Variants in RABL2B observed in about 807,000 individuals in gnomAD.
The protein encoded by RABL2B is rab-like protein 2B.
Under a neutral mutation model 26.7 loss-of-function variants are expected in RABL2B, and 17 were observed. The observed-to-expected ratio is 0.64, with a 90% CI of 0.44 to 0.95. The LOEUF (loss-of-function observed/expected upper bound fraction) is 0.95, where lower values mean the gene tolerates loss of function less well. RABL2B is among the 40% of genes least tolerant of loss of function. The probability of loss-of-function intolerance (pLI) is 0.00; values close to 1 mark genes in which losing one functional copy is unlikely to be tolerated. For synonymous variants in RABL2B, 70 were observed against 103.9 expected (o/e 0.67, Z 1.99); for missense variants, 170 against 277.2 (o/e 0.61, Z 2.75).
At position 50,776,685 on chromosome 22, in the gene RABL2B, T is replaced by G. The variant is rs1351118083; in HGVS notation, c.202A>C (p.Arg68=). ...LYKHTATVDG[R]TILVDFWDTA... is the part of the protein sequence containing the mutation. ...TGCCACTTACCCACAAGGATGGTCC[T>G]TCCATCTACCGTGGCTGTGTGCTTG... Residue 68 remains arginine, a synonymous_variant, in exon 4 of 9, where the codon AGG becomes CGG. Transcript: ENST00000691320. 1 of 1,611,428 alleles carries G rather than the reference T, an allele frequency of 6.2e-7. No individual in the cohort carries two copies. The highest frequency in any genetic ancestry group is 8.5e-7 in the Non-Finnish European group (1 of 1,178,742).
In RABL2B at chr22:50,769,508, A is replaced by C; in HGVS notation, c.454T>G (p.Phe152Val). The change falls in exon 7 of 9, where the codon TTC becomes GTC. Residue 152 changes from phenylalanine to valine, a missense_variant. Around this residue, in one of 2 missense-constraint regions of RABL2B, gnomAD observed 165 missense variants for 232.0 expected, o/e 0.71. Coordinates refer to ENST00000691320, the MANE Select transcript of RABL2B (RefSeq NM_001130919.3). ...GAGACGAAATACAGGGGCAGGGAGAACTTCTTGGCAAAATTGAAGCTTTTT... is the reference window on the plus strand; with the variant it reads ...GAGACGAAATACAGGGGCAGGGAGACCTTCTTGGCAAAATTGAAGCTTTTT... ...TQKSFNFAKK[F>V]SLPLYFVSAA... The C allele has an allele frequency of 6.2e-6, 10 of 1,612,374 alleles. No homozygotes were observed. The highest frequency in any genetic ancestry group is 8.5e-6 in the Non-Finnish European group (10 of 1,179,302).
intron 4 of RABL2B, among the ~76,000 whole-genome samples, chr22:50,776,346 T>C (rs557513507): frequency 6.6e-6 from 1 of 152,304 alleles, no homozygotes; most frequent in African/African-American, 2.4e-5. Context: ...CCCCTGAAGC[T>C]AGGAAAACTA....
intron 5 of RABL2B, among the ~76,000 whole-genome samples, chr22:50,774,126 A>G (rs1467150163): frequency 2.0e-5 from 3 of 152,004 alleles, no homozygotes; most frequent in African/African-American, 7.2e-5. Context: ...CGATCTCCTA[A>G]CCTCGTGATC....
rs530624363 is a variant in RABL2B at position 50,776,523 on chromosome 22, T to C, written c.217+147A>G. 444 of 1,252,998 alleles carry C rather than the reference T, an allele frequency of 3.5e-4. 2 individuals carry two copies. The South Asian group carries it at 5.3e-3, about 15-fold the overall frequency. The allele number at this position is 1,252,998 out of a possible 1,614,324, so 77.6% of individuals were successfully genotyped here. On this transcript the variant is annotated intron_variant, in intron 4 of 8. Transcript: ENST00000691320. ...CTTCCACCCTCCTGGCTCCTGGCTC[T>C]CTGGGTTCTCTCTAGCACCCCTTGT...
intron 2 of RABL2B, among the ~76,000 whole-genome samples, chr22:50,778,609 C>T (rs1208015280): frequency 6.6e-6 from 1 of 151,952 alleles, no homozygotes; most frequent in East Asian, 1.9e-4. Flanking sequence ...TCCAGTGGTT[C>T]CCCATTTCTT....
chr22:50,780,134 C>G (rs1555927439), intron 2 of RABL2B, among the ~76,000 whole-genome samples: 2 of 151,912 alleles, frequency 1.3e-5, no homozygotes, highest in African/African-American at 4.8e-5. Context: ...GAGGCAGTGC[C>G]CAGGTCTGAG....
chr22:50,770,909 ATTTTTTT>A (rs781799008), intron 5 of RABL2B, among the ~76,000 whole-genome samples: 7 of 124,238 alleles, frequency 5.6e-5, no homozygotes, highest in African/African-American at 1.8e-4. Flanking sequence ...TTATTTTTTT[ATTTTTTT>A]TTTTTTGTAG....
At chr22:50,775,030 T>C (rs2147150972) in intron 5 of RABL2B, among the ~76,000 whole-genome samples, 1 of 152,282 alleles carries the variant, frequency 6.6e-6, no homozygotes, top group African/African-American at 2.4e-5. Flanking sequence ...CCACCCATCT[T>C]GGCCTCCCAA....
At position 50,775,791 on chromosome 22, in the gene RABL2B, T is replaced by C; in HGVS notation, c.278A>G (p.Lys93Arg). The change falls in exon 5 of 9, where the codon AAG (lysine) becomes AGG (arginine). Residue 93 changes from lysine to arginine, a missense_variant. This residue lies in a region of RABL2B where 165 missense variants were observed against 232.0 expected (regional missense o/e 0.71). Coordinates refer to ENST00000691320, the MANE Select transcript of RABL2B (RefSeq NM_001130919.3). ...FQSMHASYYH[K>R]AHACIMVFDV... ...TCGTACCATGATGCAGGCGTGGGCC[T>C]TGTGGTAGTAGGAGGCATGCATGCT... 6.2e-7 allele frequency: 1 copy of C among 1,614,194 alleles called. No homozygotes were observed. Among genetic ancestry groups the C allele is most frequent in the South Asian group, 1.1e-5 (1 of 91,086 alleles).
intron 2 of RABL2B, among the ~76,000 whole-genome samples, chr22:50,781,400 A>AAGAGAGAGAGAGAG (rs3044691): frequency 0.015 from 2,181 of 141,706 alleles, 24 homozygotes; most frequent in South Asian, 0.074. Context: ...TGTGGTGGGG[A>AAGAGAGAGAGAGAG]AGAGAGAGAG....
Position 50,767,869 on chromosome 22 carries a change from A to G in RABL2B, c.*907T>C. 2.5e-6 allele frequency: 1 copy of G among 394,926 alleles called. No homozygotes were observed. Among genetic ancestry groups the G allele is most frequent in the Non-Finnish European group, 4.9e-6 (1 of 203,136 alleles). The allele number at this position is 394,926 out of a possible 1,614,324, so 24.5% of individuals were successfully genotyped here. A position where few individuals can be genotyped will look rare whatever the true frequency, so the allele number is the denominator to read the frequency against. ...AGGCCTGTCACCTGCTGTTCCTGTG[A>G]TCTCAGCTTTACCTAGAAGAGCTCC... On this transcript the variant is annotated 3_prime_UTR_variant, in exon 9 of 9. Transcript: ENST00000691320.
At chr22:50,774,520 G>A (rs2084679248) in intron 5 of RABL2B, among the ~76,000 whole-genome samples, 1 of 149,124 alleles carries the variant, frequency 6.7e-6, no homozygotes, top group South Asian at 2.1e-4. Flanking sequence ...GTGTGTGTGG[G>A]GAGATGCCCC....
In RABL2B at chr22:50,776,769, C is replaced by G. The variant is rs782669376; in HGVS notation, c.138-20G>C. 9.4e-6 allele frequency: 15 copies of G among 1,595,560 alleles called. No homozygotes were observed. The highest frequency in any genetic ancestry group is 1.3e-5 in the Non-Finnish European group (15 of 1,170,900). The stretch of plus-strand genomic sequence containing the variant: ...GGCTGACTGCACTCAGGTTAAGGAG[C>G]AAAATCAATAAAAGGGGAGGTAAGG... On this transcript the variant is annotated intron_variant, in intron 3 of 8. Coordinates refer to ENST00000691320, the MANE Select transcript of RABL2B (RefSeq NM_001130919.3).
At chr22:50,776,076 G>A (rs1603450424) in intron 4 of RABL2B, among the ~76,000 whole-genome samples, 1 of 152,138 alleles carries the variant, frequency 6.6e-6, no homozygotes, top group South Asian at 2.1e-4. Context: ...AAGACAGTGG[G>A]TCAGGGGCCA....
At chr22:50,777,828 G>C in intron 3 of RABL2B, 124 bp downstream of exon 3, 1 of 1,483,262 alleles carries the variant, frequency 6.7e-7, no homozygotes, top group Non-Finnish European at 9.4e-7. Flanking sequence ...AACAAAACCT[G>C]TGCGTTCACT....
chr22:50,780,880 T>G (rs2085719915), intron 2 of RABL2B, among the ~76,000 whole-genome samples: 1 of 152,194 alleles, frequency 6.6e-6, no homozygotes. Flanking sequence ...GTTATTAAAG[T>G]GGCAATTTGC....
chr22:50,780,422 G>C (rs1458438007), intron 2 of RABL2B, among the ~76,000 whole-genome samples: 3 of 127,986 alleles, frequency 2.3e-5, no homozygotes, highest in Non-Finnish European at 4.9e-5. Flanking sequence ...TTTTTTTTGA[G>C]ACAGGGTCTT....
intron 2 of RABL2B, among the ~76,000 whole-genome samples, chr22:50,780,397 C>CTT (rs149044797): frequency 2.5e-3 from 307 of 122,210 alleles, no homozygotes; most frequent in Non-Finnish European, 2.5e-3. Flanking sequence ...CAAGTGTTAA[C>CTT]TTTTTTTTTT....
At chr22:50,777,096 G>A (rs2085106017) in intron 3 of RABL2B, among the ~76,000 whole-genome samples, 1 of 152,160 alleles carries the variant, frequency 6.6e-6, no homozygotes, top group African/African-American at 2.4e-5. Flanking sequence ...GCTTTCGCAG[G>A]CTAGAAAGGA....
Sources: gnomAD v4.1 joint callset for allele counts (sites outside exome capture counted in the v4.1 genomes callset) on GRCh38, gnomAD v4.1.1 for gene constraint, gnomAD v4.1.1 regional missense constraint, MANE v1.5 for transcripts, NCBI Gene and HGNC (gene_info 2026-07-23, HGNC 2026-07-21) for gene names.